Variants in HS6ST3 observed in about 807,000 individuals in gnomAD.
HS6ST3 encodes the protein heparan sulfate 6-O-sulfotransferase 3.
HS6ST3 carries 12 observed loss-of-function variants against 36.7 expected under a neutral mutation model. The ratio of observed to expected loss-of-function variants is 0.33; its 90% CI spans 0.21 to 0.53. HS6ST3 has a LOEUF of 0.53. HS6ST3 is among the 20% of genes least tolerant of loss of function. The pLI, the probability that HS6ST3 is intolerant of heterozygous loss-of-function variation, is 0.95. For synonymous variants in HS6ST3, 240 were observed against 257.5 expected (o/e 0.93, Z 0.65); for missense variants, 584 against 640.9 (o/e 0.91, Z 0.96).
chr13:96,481,974 A>G (rs1040198099), intron 1 of HS6ST3, among the ~76,000 whole-genome samples: 2 of 151,552 alleles, frequency 1.3e-5, no homozygotes, highest in Admixed American at 6.6e-5. Context: ...CAACGTGCTC[A>G]CTTCTTTGTT....
At chr13:96,227,201 A>G (rs1050336462) in intron 1 of HS6ST3, among the ~76,000 whole-genome samples, 5 of 152,206 alleles carry the variant, frequency 3.3e-5, no homozygotes, top group Non-Finnish European at 5.9e-5. Flanking sequence ...TATATTTACT[A>G]CAAACTTTGG....
chr13:96,433,203 A>G (rs987869687), intron 1 of HS6ST3, among the ~76,000 whole-genome samples: 5 of 152,212 alleles, frequency 3.3e-5, no homozygotes, highest in African/African-American at 1.2e-4. Context: ...CTAGTCCCTC[A>G]GCTGAGCAAG....
chr13:96,639,934 T>C (rs1274462087), intron 1 of HS6ST3, among the ~76,000 whole-genome samples: 3 of 152,142 alleles, frequency 2.0e-5, no homozygotes, highest in African/African-American at 4.8e-5. Flanking sequence ...ATGACGTAAA[T>C]GTACCACATT....
chr13:96,508,624 T>C (rs934985469), intron 1 of HS6ST3, among the ~76,000 whole-genome samples: 5 of 152,076 alleles, frequency 3.3e-5, no homozygotes, highest in Admixed American at 3.3e-4. Context: ...TGAAAACATA[T>C]GGCTTTTGGT....
intron 1 of HS6ST3, among the ~76,000 whole-genome samples, chr13:96,500,992 C>G (rs2138912932): frequency 6.6e-6 from 1 of 152,202 alleles, no homozygotes; most frequent in East Asian, 1.9e-4. Context: ...CTCTCTCTCT[C>G]TTTTGTAGAG....
At chr13:96,268,111 C>G (rs1427856359) in intron 1 of HS6ST3, among the ~76,000 whole-genome samples, 2 of 151,904 alleles carry the variant, frequency 1.3e-5, no homozygotes, top group African/African-American at 4.9e-5. Context: ...TAATTGTAAT[C>G]ACCTCTTTAA....
chr13:96,385,957 G>A (rs1021921565), intron 1 of HS6ST3, among the ~76,000 whole-genome samples: 1 of 152,082 alleles, frequency 6.6e-6, no homozygotes, highest in African/African-American at 2.4e-5. Context: ...TGTAGTGCCT[G>A]CAGAAAAACA....
rs56247662 is a variant in HS6ST3, at chr13:96,136,682, C to CATATATAT, written c.707+45143_707+45150dup. 8.9e-3 allele frequency among the ~76,000 whole-genome samples: 1,163 copies of CATATATAT among 130,232 alleles called. 7 individuals carry two copies. The highest frequency in any genetic ancestry group is 0.01 in the Non-Finnish European group (634 of 61,036). The allele number at this position is 130,232 out of a possible 152,430, so 85.4% of individuals were successfully genotyped here. On this transcript the variant is annotated intron_variant, in intron 1 of 1. Transcript: ENST00000376705. ...AGGTATACAGCATGATGTTATGAAA[C>CATATATAT]ATATATATATATATATATATATATA...
At chr13:96,338,995 C>T (rs2055116505) in intron 1 of HS6ST3, among the ~76,000 whole-genome samples, 1 of 152,036 alleles carries the variant, frequency 6.6e-6, no homozygotes, top group African/African-American at 2.4e-5. Context: ...TTTTACAGAA[C>T]AGTCAGTTAA....
intron 1 of HS6ST3, among the ~76,000 whole-genome samples, chr13:96,246,441 A>G (rs1395678633): frequency 6.6e-6 from 1 of 152,228 alleles, no homozygotes; most frequent in African/African-American, 2.4e-5. Flanking sequence ...ATTTTAAAAA[A>G]TGGTTAGGCA....
intron 1 of HS6ST3, among the ~76,000 whole-genome samples, chr13:96,236,374 T>A (rs531792122): frequency 2.7e-4 from 41 of 152,202 alleles, no homozygotes; most frequent in African/African-American, 8.9e-4. Context: ...TGACACCCAT[T>A]CACTCATCCA....
chr13:96,817,190 TAGG>T (rs1703739903), intron 1 of HS6ST3, among the ~76,000 whole-genome samples: 1 of 152,186 alleles, frequency 6.6e-6, no homozygotes, highest in East Asian at 1.9e-4. Flanking sequence ...GTGCACGATG[TAGG>T]AGAAGGAGGC....
At chr13:96,755,410 G>A (rs1250778514) in intron 1 of HS6ST3, among the ~76,000 whole-genome samples, 2 of 151,958 alleles carry the variant, frequency 1.3e-5, no homozygotes, top group East Asian at 1.9e-4. Context: ...TATCGCCCAG[G>A]CTGGAGTGCA....
rs1006366295 is a variant in HS6ST3, at chr13:96,333,838, C to T, written c.707+242269C>T. ...GGCTTCCAAAGCTTCCAGGCAGGAC[C>T]ATACAGTGAGTTGCATCAAGGGACA... On this transcript the variant is annotated intron_variant, in intron 1 of 1. Transcript: ENST00000376705. 2.6e-5 allele frequency among the ~76,000 whole-genome samples: 4 copies of T among 152,106 alleles called. No individual in the cohort carries two copies. The South Asian group carries it at 8.3e-4, about 31-fold the overall frequency.
At chr13:96,142,167 T>G (rs1033177026) in intron 1 of HS6ST3, among the ~76,000 whole-genome samples, 1 of 152,158 alleles carries the variant, frequency 6.6e-6, no homozygotes, top group African/African-American at 2.4e-5. Flanking sequence ...TCAATACTTA[T>G]TTTCATCCAT....
chr13:96,303,632 G>A (rs932798900), intron 1 of HS6ST3, among the ~76,000 whole-genome samples: 38 of 152,158 alleles, frequency 2.5e-4, no homozygotes, highest in African/African-American at 3.1e-4. Flanking sequence ...AGGAACACAG[G>A]CCTGTATGGC....
chr13:96,255,992 C>G (rs983202239), intron 1 of HS6ST3, among the ~76,000 whole-genome samples: 2 of 152,190 alleles, frequency 1.3e-5, no homozygotes, highest in Non-Finnish European at 2.9e-5. Context: ...CTTTTGATGT[C>G]TTGCTTTTGC....
intron 1 of HS6ST3, among the ~76,000 whole-genome samples, chr13:96,479,231 G>T (rs1259530275): frequency 6.6e-6 from 1 of 152,210 alleles, no homozygotes; most frequent in Non-Finnish European, 1.5e-5. Flanking sequence ...AATTAGCCTA[G>T]AGAAAGGTGG....
At chr13:96,189,905 G>A (rs1231735912) in intron 1 of HS6ST3, among the ~76,000 whole-genome samples, 1 of 152,200 alleles carries the variant, frequency 6.6e-6, no homozygotes, top group Non-Finnish European at 1.5e-5. Context: ...CAGGGTGGAG[G>A]TAGGGCAGGG....
Sources: gnomAD v4.1 joint callset for allele counts (sites outside exome capture counted in the v4.1 genomes callset) on GRCh38, gnomAD v4.1.1 for gene constraint, MANE v1.5 for transcripts, NCBI Gene and HGNC (gene_info 2026-07-23, HGNC 2026-07-21) for gene names.